Variants in ZFP64 observed in about 807,000 individuals in gnomAD.
ZFP64 encodes zinc finger protein 64.
Under a neutral mutation model 51.6 loss-of-function variants are expected in ZFP64, and 14 were observed. The observed-to-expected ratio is 0.27, with a 90% confidence interval of 0.18 to 0.42. The LOEUF is 0.42. Ranked by LOEUF, ZFP64 falls within the 10% of genes least tolerant of loss-of-function variation. The probability of loss-of-function intolerance (pLI) is 1.00; values close to 1 mark genes in which losing one functional copy is unlikely to be tolerated. For synonymous variants in ZFP64, 375 were observed against 361.4 expected (o/e 1.04, Z -0.43); for missense variants, 754 against 906.8 (o/e 0.83, Z 2.16).
At chr20:52,145,548 G>A (rs1980482319) in intron 5 of ZFP64, among the ~76,000 whole-genome samples, 1 of 152,154 alleles carries the variant, frequency 6.6e-6, no homozygotes, top group Non-Finnish European at 1.5e-5. Context: ...TGAGGTGGGA[G>A]GATCACCTGA....
At chr20:52,129,249 T>TTTTTTTTC (rs895704223) in intron 5 of ZFP64, among the ~76,000 whole-genome samples, 1 of 151,328 alleles carries the variant, frequency 6.6e-6, no homozygotes, top group African/African-American at 2.4e-5. Context: ...GCCCGGTGAA[T>TTTTTTTTC]TTTTTTTCTT....
Position 52,152,736 on chromosome 20 carries a change from G to A in ZFP64, c.1456C>T (p.Pro486Ser). ...TVGHLQVPLQ[P>S]SQVPQFSEGR... ...TCGCTGAACTGGGGCACTTGGCTGGGCTGGAGGGGCACCTGGAGGTGTCCC... is the reference window on the plus strand; with the variant it reads ...TCGCTGAACTGGGGCACTTGGCTGGACTGGAGGGGCACCTGGAGGTGTCCC... Residue 486 changes from proline (P) to serine (S), a missense_variant, in exon 6 of 6, where the codon CCC becomes TCC. Pro to Ser is a moderately conservative substitution (Grantham distance 74, BLOSUM62 -1). This residue lies in a region of ZFP64 where 428 missense variants were observed against 472.4 expected (regional missense o/e 0.91). Coordinates refer to ENST00000216923, the MANE Select transcript of ZFP64 (RefSeq NM_018197.3). 3.2e-6 allele frequency: 5 copies of A among 1,580,014 alleles called. No homozygotes were observed. Among genetic ancestry groups the A allele is most frequent in the Non-Finnish European group, 4.3e-6 (5 of 1,160,828 alleles).
intron 2 of ZFP64, among the ~76,000 whole-genome samples, chr20:52,166,631 T>A (rs1192223483): frequency 6.6e-6 from 1 of 152,012 alleles, no homozygotes; most frequent in East Asian, 1.9e-4. Context: ...ATTTTTGTAT[T>A]TTTTGTAAAG....
At chr20:52,175,715 G>A (rs993082418) in intron 2 of ZFP64, among the ~76,000 whole-genome samples, 11 of 151,992 alleles carry the variant, frequency 7.2e-5, no homozygotes, top group African/African-American at 2.7e-4. Flanking sequence ...GTGGTGGTGG[G>A]CGCCTGGAAT....
At chr20:52,181,737 C>G (rs149031493) in intron 2 of ZFP64, among the ~76,000 whole-genome samples, 1 of 152,132 alleles carries the variant, frequency 6.6e-6, no homozygotes, top group Non-Finnish European at 1.5e-5. Flanking sequence ...ACCTGAGCCT[C>G]GGCTCCAGAC....
rs144794348 is a variant in ZFP64, at chr20:52,117,485, G to C, written c.764-18898C>G. Among the ~76,000 whole-genome samples the C allele has an allele frequency of 4.2e-3, 638 of 151,658 alleles. 6 individuals are homozygous for C. Among genetic ancestry groups the C allele is most frequent in the African/African-American group, 0.015 (596 of 41,010 alleles). ...AACTAAAAAATCAGCTAGGCATGGT[G>C]GTGGGCACCTGTAATCCCAGCTACT... is the stretch of plus-strand genomic sequence containing the variant. On this transcript the variant is annotated intron_variant, in intron 5 of 8. Transcript: ENST00000361387.
chr20:52,112,290 A>G (rs67862732), intron 5 of ZFP64, among the ~76,000 whole-genome samples: 31,100 of 152,074 alleles, frequency 0.2, 3,583 homozygotes, highest in Admixed American at 0.27. Flanking sequence ...TACTCTAAGT[A>G]TTAACAGTTA....
chr20:52,093,768 G>A (rs1200450219), intron 7 of ZFP64, among the ~76,000 whole-genome samples: 3 of 152,062 alleles, frequency 2.0e-5, no homozygotes, highest in Non-Finnish European at 4.4e-5. Context: ...TTAACCACCC[G>A]GGCTTGGGAG....
intron 5 of ZFP64, among the ~76,000 whole-genome samples, chr20:52,119,533 A>AAAAAT (rs1457197109): frequency 4.5e-5 from 4 of 89,838 alleles, no homozygotes; most frequent in Admixed American, 1.3e-4. Context: ...AAAAAAAAAA[A>AAAAAT]ATATATATAT....
chr20:52,094,584 C>G (rs1172412400), intron 7 of ZFP64, among the ~76,000 whole-genome samples: 3 of 152,016 alleles, frequency 2.0e-5, no homozygotes, highest in African/African-American at 7.3e-5. Context: ...AATAGTGAGA[C>G]CTCGTCACTA....
At chr20:52,166,373 G>A (rs1484985225) in intron 2 of ZFP64, among the ~76,000 whole-genome samples, 2 of 152,084 alleles carry the variant, frequency 1.3e-5, no homozygotes, top group East Asian at 1.9e-4. Context: ...CTGGATCTGT[G>A]GCAGCCATTC....
At chr20:52,146,225 C>G (rs1980520189) in intron 5 of ZFP64, among the ~76,000 whole-genome samples, 1 of 152,120 alleles carries the variant, frequency 6.6e-6, no homozygotes, top group African/African-American at 2.4e-5. Flanking sequence ...CCATCCCATG[C>G]TGGGTATATA....
At position 52,160,411 on chromosome 20, in the gene ZFP64, C is replaced by A. The variant is rs1457609767; in HGVS notation, c.512-37G>T. 7 of 1,559,170 alleles carry A rather than the reference C, an allele frequency of 4.5e-6. No individual in the cohort carries two copies. Among genetic ancestry groups the A allele is most frequent in the Admixed American group, 4.0e-5 (2 of 50,100 alleles). On this transcript the variant is annotated intron_variant, in intron 4 of 5. Coordinates refer to ENST00000216923, the MANE Select transcript of ZFP64 (RefSeq NM_018197.3). The surrounding 1 kb of genome is among the most constrained non-coding windows in gnomAD (Gnocchi z 4.2). ...TACACACACAGATGGCAGCAGGAAA[C>A]AAGATTAAAAAAGGAAAAGGCTTAT...
chr20:52,145,835 C>G (rs553712144), intron 5 of ZFP64, among the ~76,000 whole-genome samples: 1 of 152,062 alleles, frequency 6.6e-6, no homozygotes, highest in Non-Finnish European at 1.5e-5. Context: ...CTTATAAACA[C>G]TGTACACTTA....
At chr20:52,101,933 A>G (rs1277285352) in intron 5 of ZFP64, among the ~76,000 whole-genome samples, 2 of 135,550 alleles carry the variant, frequency 1.5e-5, no homozygotes, top group African/African-American at 3.1e-5. Flanking sequence ...GTCTCTACTA[A>G]AAATACCAAA....
At chr20:52,084,720 T>A (rs770643497) in exon 9 of ZFP64, 3 of 1,614,252 alleles carry the variant, frequency 1.9e-6, no homozygotes, top group South Asian at 2.2e-5. Flanking sequence ...CAGAGAGTCA[T>A]CCCTGACGAA....
chr20:52,130,047 C>T (rs79931650), intron 5 of ZFP64, among the ~76,000 whole-genome samples: 3,435 of 151,966 alleles, frequency 0.023, 136 homozygotes, highest in African/African-American at 0.077. Flanking sequence ...TCTCGAGATC[C>T]ACATGGCTCC....
intron 5 of ZFP64, among the ~76,000 whole-genome samples, chr20:52,106,940 T>C (rs1224934422): frequency 1.3e-5 from 2 of 152,034 alleles, no homozygotes; most frequent in Non-Finnish European, 2.9e-5. Flanking sequence ...CTACTAAAAA[T>C]ACAAAAAATT....
intron 7 of ZFP64, among the ~76,000 whole-genome samples, chr20:52,092,296 TCCA>T (rs778475340): frequency 2.2e-4 from 34 of 152,202 alleles, no homozygotes; most frequent in Non-Finnish European, 5.0e-4. Context: ...ATCCCTGGCC[TCCA>T]CCCACCAGAT....
Sources: gnomAD v4.1 joint callset for allele counts (sites outside exome capture counted in the v4.1 genomes callset) on GRCh38, gnomAD v4.1.1 for gene constraint, gnomAD v4.1.1 regional missense constraint, Gnocchi (gnomAD v3.1) non-coding constraint, MANE v1.5 for transcripts, NCBI Gene and HGNC (gene_info 2026-07-23, HGNC 2026-07-21) for gene names.